The following MACROD2 variants were observed in gnomAD, a reference collection of about 807,000 sequenced individuals.
The protein encoded by MACROD2 is ADP-ribose glycohydrolase MACROD2.
Under a neutral mutation model 70.4 loss-of-function variants are expected in MACROD2, and 36 were observed. The observed-to-expected ratio is 0.51, with a 90% CI of 0.39 to 0.68. The LOEUF (loss-of-function observed/expected upper bound fraction) is 0.68, where lower values mean the gene tolerates loss of function less well. Among genes scored for constraint, MACROD2 ranks in the 30% least tolerant of loss-of-function variants. The pLI is 0.00. For missense variants in MACROD2, 496 were observed against 538.4 expected (o/e 0.92, Z 0.78); for synonymous variants, 172 against 178.8 (o/e 0.96, Z 0.30).
chr20:15,414,175 G>A (rs1177135749), intron 6 of MACROD2, among the ~76,000 whole-genome samples: 2 of 152,242 alleles, frequency 1.3e-5, no homozygotes, highest in East Asian at 3.9e-4. Flanking sequence ...ACACTTTACT[G>A]ATATAAGGGT....
intron 6 of MACROD2, among the ~76,000 whole-genome samples, chr20:15,302,819 A>G (rs989609792): frequency 3.3e-5 from 5 of 152,198 alleles, no homozygotes; most frequent in Non-Finnish European, 7.4e-5. Context: ...TTAATTTTTT[A>G]CAAACCTGGT....
intron 6 of MACROD2, among the ~76,000 whole-genome samples, chr20:15,399,278 G>A (rs1410950367): frequency 1.3e-5 from 2 of 152,192 alleles, no homozygotes; most frequent in South Asian, 2.1e-4. Context: ...ATTGTCAACA[G>A]CCACCATGGT....
chr20:15,548,432 T>C (rs1195217654), intron 8 of MACROD2, among the ~76,000 whole-genome samples: 1 of 152,136 alleles, frequency 6.6e-6, no homozygotes, highest in African/African-American at 2.4e-5. Flanking sequence ...TCTCACTCTG[T>C]CACCCCAGGC....
intron 8 of MACROD2, among the ~76,000 whole-genome samples, chr20:15,616,770 A>G (rs776531132): frequency 6.6e-6 from 1 of 152,174 alleles, no homozygotes; most frequent in African/African-American, 2.4e-5. Flanking sequence ...TGATAGGCCC[A>G]TATGGTATTC....
intron 13 of MACROD2, among the ~76,000 whole-genome samples, chr20:15,975,868 A>G (rs562025493): frequency 6.6e-6 from 1 of 152,340 alleles, no homozygotes; most frequent in South Asian, 2.1e-4. Context: ...TATTGGCTCT[A>G]AGAGAAAACC....
intron 4 of MACROD2, among the ~76,000 whole-genome samples, chr20:14,526,697 T>G (rs986176034): frequency 6.6e-6 from 1 of 152,164 alleles, no homozygotes; most frequent in Non-Finnish European, 1.5e-5. Flanking sequence ...TCACAGGGCA[T>G]GTGGTGGGGG....
intron 3 of MACROD2, among the ~76,000 whole-genome samples, chr20:14,235,813 A>T (rs143966256): frequency 6.6e-6 from 1 of 152,204 alleles, no homozygotes; most frequent in Non-Finnish European, 1.5e-5. Flanking sequence ...AAAGTTGCAG[A>T]CCTCATTTAC....
chr20:15,281,457 A>T (rs928005663), intron 6 of MACROD2, among the ~76,000 whole-genome samples: 6 of 152,228 alleles, frequency 3.9e-5, no homozygotes, highest in African/African-American at 1.4e-4. Flanking sequence ...GGGTACAGGC[A>T]TTGGATAAAT....
intron 5 of MACROD2, among the ~76,000 whole-genome samples, chr20:15,038,308 C>G (rs181193459): frequency 1.3e-5 from 2 of 152,166 alleles, no homozygotes; most frequent in African/African-American, 2.4e-5. Context: ...ACTTTTATTT[C>G]CAACCATTTC....
intron 5 of MACROD2, among the ~76,000 whole-genome samples, chr20:15,199,048 A>G (rs972075408): frequency 5.9e-5 from 8 of 136,700 alleles, no homozygotes; most frequent in African/African-American, 1.7e-4. Context: ...ATCCTTTTAG[A>G]TAGTGGCAAC....
chr20:15,099,008 G>T (rs1601072573), intron 5 of MACROD2, among the ~76,000 whole-genome samples: 1 of 152,160 alleles, frequency 6.6e-6, no homozygotes, highest in Non-Finnish European at 1.5e-5. Context: ...AATGGTTTTG[G>T]CTGAGAGGCC....
intron 7 of MACROD2, among the ~76,000 whole-genome samples, chr20:15,452,781 C>T (rs532016076): frequency 1.3e-5 from 2 of 152,152 alleles, no homozygotes; most frequent in African/African-American, 4.8e-5. Flanking sequence ...ATTATTCAGA[C>T]TGTATAACTG....
intron 3 of MACROD2, among the ~76,000 whole-genome samples, chr20:14,141,676 C>T (rs1447331579): frequency 1.5e-5 from 2 of 131,340 alleles, no homozygotes; most frequent in East Asian, 4.9e-4. Context: ...ACCTGGGAGG[C>T]GGAGGTTGCA....
intron 3 of MACROD2, among the ~76,000 whole-genome samples, chr20:14,300,496 T>G (rs896521443): frequency 1.3e-5 from 2 of 152,186 alleles, no homozygotes; most frequent in Non-Finnish European, 2.9e-5. Flanking sequence ...ATGGTACATT[T>G]ATTTCAAGTG....
At chr20:15,880,835 C>T (rs1451692111) in intron 9 of MACROD2, among the ~76,000 whole-genome samples, 2 of 152,004 alleles carry the variant, frequency 1.3e-5, no homozygotes, top group East Asian at 3.9e-4. Context: ...GAGTTATAGG[C>T]AGGACATCCA....
intron 4 of MACROD2, among the ~76,000 whole-genome samples, chr20:14,562,063 C>G (rs1979469974): frequency 6.6e-6 from 1 of 151,918 alleles, no homozygotes; most frequent in African/African-American, 2.4e-5. Context: ...CTACTGCCAT[C>G]TGGTTATTCT....
At chr20:14,037,528 A>AT (rs2053329143) in intron 2 of MACROD2, among the ~76,000 whole-genome samples, 1 of 152,128 alleles carries the variant, frequency 6.6e-6, no homozygotes, top group Non-Finnish European at 1.5e-5. Context: ...AGGGATGCAT[A>AT]TTTTTTGATT....
intron 10 of MACROD2, among the ~76,000 whole-genome samples, chr20:15,908,408 T>C (rs2147260319): frequency 6.6e-6 from 1 of 152,320 alleles, no homozygotes; most frequent in Non-Finnish European, 1.5e-5. Flanking sequence ...ACAGCTCCCA[T>C]CCACTGCTAG....
At chr20:14,871,898 A>G (rs1240086371) in intron 5 of MACROD2, among the ~76,000 whole-genome samples, 3 of 152,146 alleles carry the variant, frequency 2.0e-5, no homozygotes, top group African/African-American at 7.2e-5. Context: ...TGGACTTTAA[A>G]CCAACAAAGA....
Sources: allele counts gnomAD v4.1 joint callset (sites outside exome capture counted in the v4.1 genomes callset), GRCh38; gene constraint gnomAD v4.1.1; transcripts MANE v1.5; gene names NCBI Gene and HGNC (gene_info 2026-07-23, HGNC 2026-07-21).